The following TAF13 variants were observed in gnomAD, a reference collection of about 807,000 sequenced individuals.
TAF13 encodes transcription initiation factor TFIID subunit 13.
Under a neutral mutation model 18.7 loss-of-function variants are expected in TAF13, and 9 were observed. The observed-to-expected ratio is 0.48, with a 90% CI of 0.29 to 0.84. The LOEUF (loss-of-function observed/expected upper bound fraction) is 0.84. Ranked by LOEUF, TAF13 falls within the 40% of genes least tolerant of loss-of-function variation. The pLI is 0.08. For missense variants in TAF13, 105 were observed against 146.5 expected (o/e 0.72, Z 1.46); for synonymous variants, 49 against 44.1 (o/e 1.11, Z -0.44).
chr1:109,068,436 C>T (rs1663987878), intron 2 of TAF13, among the ~76,000 whole-genome samples: 1 of 151,976 alleles, frequency 6.6e-6, no homozygotes, highest in African/African-American at 2.4e-5. Context: ...CACACCCAGC[C>T]ATTTAAAATT....
At chr1:109,068,043 G>A (rs188978396) in intron 2 of TAF13, among the ~76,000 whole-genome samples, 84 of 152,276 alleles carry the variant, frequency 5.5e-4, no homozygotes, top group Non-Finnish European at 9.7e-4. Flanking sequence ...GCCCAGGCTG[G>A]AGTGGTGTTG....
chr1:109,074,394 C>T (rs1395338410), intron 2 of TAF13, among the ~76,000 whole-genome samples: 2 of 152,066 alleles, frequency 1.3e-5, no homozygotes, highest in Non-Finnish European at 2.9e-5. Context: ...CGTTAAGAGT[C>T]ATCACCACTC....
chr1:109,070,740 C>G (rs1418702824), intron 2 of TAF13, among the ~76,000 whole-genome samples: 6 of 152,128 alleles, frequency 3.9e-5, no homozygotes, highest in African/African-American at 1.4e-4. Context: ...GATCTTTCGT[C>G]AGTAACTTCT....
intron 2 of TAF13, among the ~76,000 whole-genome samples, chr1:109,074,341 G>A (rs1043742692): frequency 1.7e-4 from 26 of 152,292 alleles, no homozygotes; most frequent in Middle Eastern, 3.4e-3. Context: ...TAAGGGCGGT[G>A]CAAGATGTGC....
At chr1:109,066,510 T>A (rs1424671341) in intron 2 of TAF13, among the ~76,000 whole-genome samples, 1 of 152,108 alleles carries the variant, frequency 6.6e-6, no homozygotes, top group Admixed American at 6.6e-5. Flanking sequence ...AGCATCTACT[T>A]ACCAGTCCCT....
chr1:109,074,031 GAAGT>G (rs1053703751), intron 2 of TAF13, among the ~76,000 whole-genome samples: 4 of 152,198 alleles, frequency 2.6e-5, no homozygotes, highest in Admixed American at 2.6e-4. Context: ...CCGCATCTGG[GAAGT>G]AAGGAGCCCC....
chr1:109,064,931 TG>T (rs1410408514), intron 3 of TAF13, among the ~76,000 whole-genome samples: 1 of 152,154 alleles, frequency 6.6e-6, no homozygotes, highest in Non-Finnish European at 1.5e-5. Flanking sequence ...ACATGAAAGC[TG>T]TCAACTTTAT....
chr1:109,068,931 G>C (rs1272984608), intron 2 of TAF13, among the ~76,000 whole-genome samples: 2 of 152,184 alleles, frequency 1.3e-5, no homozygotes, highest in Admixed American at 1.3e-4. Flanking sequence ...GAACCCAGGA[G>C]GCAGAGGTTG....
chr1:109,071,772 T>C (rs1023768039), intron 2 of TAF13, among the ~76,000 whole-genome samples: 1 of 151,348 alleles, frequency 6.6e-6, no homozygotes, highest in African/African-American at 2.4e-5. Flanking sequence ...GCCAACATGA[T>C]GAAACCCTGT....
intron 3 of TAF13, among the ~76,000 whole-genome samples, 168 bp downstream of exon 3, chr1:109,065,967 T>C (rs969902830): frequency 6.7e-6 from 1 of 150,308 alleles, no homozygotes; most frequent in African/African-American, 2.4e-5. Context: ...AGAATATACA[T>C]GTATAACCTC....
intron 1 of TAF13, among the ~76,000 whole-genome samples, chr1:109,075,635 C>T (rs673365): frequency 0.98 from 148,893 of 152,296 alleles, 72,870 homozygotes; most frequent in East Asian, 1. Context: ...GAACTGTTGG[C>T]TCATAGTGCG....
intron 2 of TAF13, among the ~76,000 whole-genome samples, chr1:109,070,669 C>T (rs1664032678): frequency 6.6e-6 from 1 of 151,834 alleles, no homozygotes; most frequent in Admixed American, 6.6e-5. Context: ...GCTGGGATTA[C>T]AGGCATGAGC....
chr1:109,068,740 G>A (rs978191876), intron 2 of TAF13, among the ~76,000 whole-genome samples: 5 of 152,156 alleles, frequency 3.3e-5, no homozygotes, highest in Admixed American at 6.6e-5. Context: ...GGTGGTTCAC[G>A]CCTATAATTC....
At chr1:109,071,834 C>T (rs1664057866) in intron 2 of TAF13, among the ~76,000 whole-genome samples, 1 of 151,162 alleles carries the variant, frequency 6.6e-6, no homozygotes, top group African/African-American at 2.4e-5. Context: ...TGCCTGTAGT[C>T]CCAGCTACTC....
At chr1:109,071,958 ATATATATATATATATATACACACAT>A in intron 2 of TAF13, among the ~76,000 whole-genome samples, 1 of 4,804 alleles carries the variant, frequency 2.1e-4, no homozygotes, top group Non-Finnish European at 3.7e-4. Context: ...CAAAAAGAAA[ATATATATATATATATATACACACAT>A]ATATATATAT....
chr1:109,073,964 C>T (rs909691075), intron 2 of TAF13, among the ~76,000 whole-genome samples: 1 of 151,376 alleles, frequency 6.6e-6, no homozygotes, highest in Non-Finnish European at 1.5e-5. Context: ...AGGTGAGGAG[C>T]GCCTCTGCCC....
chr1:109,075,772 C>G, intron 1 of TAF13, 149 bp downstream of exon 1: 1 of 1,015,042 alleles, frequency 9.9e-7, no homozygotes, highest in Non-Finnish European at 1.5e-6. Context: ...TCCCCACTTT[C>G]TAAAATGATC....
chr1:109,073,413 G>A (rs540298313), intron 2 of TAF13, among the ~76,000 whole-genome samples: 12 of 151,850 alleles, frequency 7.9e-5, no homozygotes, highest in South Asian at 4.2e-4. Context: ...CCTCCCCCTC[G>A]TCTGCGTCTC....
chr1:109,068,918 C>T (rs1482898362), intron 2 of TAF13, among the ~76,000 whole-genome samples: 3 of 152,150 alleles, frequency 2.0e-5, no homozygotes, highest in African/African-American at 7.2e-5. Flanking sequence ...AGGAGAATAG[C>T]TTGAACCCAG....
Sources: gnomAD v4.1 joint callset for allele counts (sites outside exome capture counted in the v4.1 genomes callset) on GRCh38, gnomAD v4.1.1 for gene constraint, MANE v1.5 for transcripts, NCBI Gene and HGNC (gene_info 2026-07-23, HGNC 2026-07-21) for gene names.